The following PLA2G4E variants were observed in gnomAD, a reference collection of about 807,000 sequenced individuals.
PLA2G4E encodes cytosolic phospholipase A2 epsilon.
A neutral mutation model predicts 109.1 loss-of-function variants in PLA2G4E; 84 were observed. The ratio of observed to expected loss-of-function variants is 0.77; its 90% CI spans 0.65 to 0.92. PLA2G4E has a LOEUF of 0.92. Ranked by LOEUF, PLA2G4E falls within the 40% of genes least tolerant of loss-of-function variation. The pLI is 0.00. For synonymous variants in PLA2G4E, 469 were observed against 436.1 expected, an observed-to-expected ratio of 1.08 and a Z score of -0.94; for missense variants, 1,057 against 1,076.6, an observed-to-expected ratio of 0.98 and a Z score of 0.25.
chr15:42,007,909 A>G (rs908862124), intron 2 of PLA2G4E, 44 bp from the exon 3 acceptor site: 4 of 1,563,660 alleles, frequency 2.6e-6, no homozygotes, highest in Non-Finnish European at 8.7e-7. Context: ...TTCAGAGAGA[A>G]CATGTGGAGT....
At chr15:42,002,726 A>G (rs767179969) in intron 5 of PLA2G4E, 30 bp from the exon 6 acceptor site, 5 of 1,547,574 alleles carry the variant, frequency 3.2e-6, no homozygotes, top group Non-Finnish European at 4.4e-6. Context: ...CTCCTGGTCA[A>G]TTCTAGCATT....
chr15:41,986,080 G>C (rs753137153), intron 17 of PLA2G4E, 75 bp from the exon 18 acceptor site: 2 of 1,469,106 alleles, frequency 1.4e-6, no homozygotes, highest in East Asian at 5.0e-5. Context: ...TTGGGGGGAC[G>C]GAGCGCCCTG....
At chr15:42,031,028 C>T (rs1052465757) in intron 1 of PLA2G4E, among the ~76,000 whole-genome samples, 4 of 152,082 alleles carry the variant, frequency 2.6e-5, no homozygotes, top group African/African-American at 9.7e-5. Flanking sequence ...AGTACAGTGG[C>T]ACAATCAGGG....
intron 3 of PLA2G4E, among the ~76,000 whole-genome samples, chr15:42,007,326 C>G (rs2068486883): frequency 6.6e-6 from 1 of 152,146 alleles, no homozygotes; most frequent in South Asian, 2.1e-4. Context: ...AATAATAAAG[C>G]AATATGAAAA....
chr15:41,984,888 G>C (rs1431501934), intron 18 of PLA2G4E, among the ~76,000 whole-genome samples: 1 of 152,238 alleles, frequency 6.6e-6, no homozygotes, highest in Non-Finnish European at 1.5e-5. Flanking sequence ...ACAGACTTGG[G>C]TGGATGTGGT....
intron 1 of PLA2G4E, among the ~76,000 whole-genome samples, chr15:42,036,707 C>T (rs1173944179): frequency 6.6e-6 from 1 of 152,180 alleles, no homozygotes; most frequent in Non-Finnish European, 1.5e-5. Context: ...GGGGCCCAGC[C>T]AGGACCTGGA....
chr15:42,019,199 C>T (rs781346611), intron 1 of PLA2G4E, among the ~76,000 whole-genome samples: 41 of 152,234 alleles, frequency 2.7e-4, no homozygotes, highest in Non-Finnish European at 5.1e-4. Context: ...GCAGCTTGCT[C>T]CAGGCCATGT....
At chr15:41,995,477 A>G in exon 12 of PLA2G4E, 1 of 1,613,968 alleles carries the variant, frequency 6.2e-7, no homozygotes. Flanking sequence ...CCCAGTGGCC[A>G]TGATGGCTAT....
rs1385761552 is a variant in PLA2G4E, at chr15:41,990,032, A to G, written c.1585+89T>C. 5 of 959,352 alleles carry G rather than the reference A, an allele frequency of 5.2e-6. No individual in the cohort carries two copies. In the East Asian group the frequency reaches 1.2e-4, roughly 23 times the overall value. 59.4% of individuals were successfully genotyped at this position (959,352 alleles called of 1,614,324 possible). On this transcript the variant is annotated intron_variant, in intron 14 of 19. Coordinates refer to ENST00000399518, the Ensembl canonical transcript of PLA2G4E. ...GTAGAGGTTGACAAAGATGAGTGGG[A>G]TTGGGGGACCTGGAGGTGCTGGGTG... is the stretch of plus-strand genomic sequence containing the variant.
At chr15:41,983,388 A>C (rs2068089108) in exon 20 of PLA2G4E, 1 of 250,636 alleles carries the variant, frequency 4.0e-6, no homozygotes, top group Admixed American at 4.9e-5. Context: ...GGTAGAGGAC[A>C]GAGAGAGGAG....
At chr15:42,013,559 CACCAT>C in intron 2 of PLA2G4E, 121 bp downstream of exon 2, 2 of 842,434 alleles carry the variant, frequency 2.4e-6, no homozygotes, top group Non-Finnish European at 3.8e-6. Flanking sequence ...TACACGTATA[CACCAT>C]GCACGTGCAC....
intron 1 of PLA2G4E, among the ~76,000 whole-genome samples, chr15:42,019,142 T>C (rs2068624211): frequency 6.6e-6 from 1 of 152,168 alleles, no homozygotes; most frequent in South Asian, 2.1e-4. Flanking sequence ...TCAGGGCGCA[T>C]GCACTCCATC....
At chr15:42,036,114 A>C (rs1191052487) in intron 1 of PLA2G4E, among the ~76,000 whole-genome samples, 5 of 152,198 alleles carry the variant, frequency 3.3e-5, no homozygotes, top group Non-Finnish European at 7.4e-5. Flanking sequence ...TGTGGGTTAG[A>C]CATTTAAGCT....
Position 42,024,460 on chromosome 15 carries a change from C to T in PLA2G4E, c.184-10703G>A, listed in dbSNP as rs376038169. On this transcript the variant is annotated intron_variant, in intron 1 of 19. Transcript: ENST00000399518. ...CTGAGGCCTCCGACTCCAGGCCTGT[C>T]GCCAGGCTTGTTACCTGACACTTCA... is the stretch of plus-strand genomic sequence containing the variant. Among the ~76,000 whole-genome samples, 25 of 152,316 alleles carry T rather than the reference C, an allele frequency of 1.6e-4. No homozygotes were observed. In the East Asian group the frequency reaches 3.1e-3, roughly 19 times the overall value.
chr15:42,029,197 G>A (rs1769925775), intron 1 of PLA2G4E, among the ~76,000 whole-genome samples: 1 of 152,164 alleles, frequency 6.6e-6, no homozygotes, highest in South Asian at 2.1e-4. Flanking sequence ...GCTCAAGCGT[G>A]ATTCTCCCAT....
At chr15:42,003,523 G>A (rs985219878) in intron 5 of PLA2G4E, among the ~76,000 whole-genome samples, 1 of 152,224 alleles carries the variant, frequency 6.6e-6, no homozygotes, top group Non-Finnish European at 1.5e-5. Context: ...ATTCAGCCTA[G>A]GAGTTTTCCC....
At chr15:42,010,139 C>CCCCCCCCG in intron 2 of PLA2G4E, 1 of 476,072 alleles carries the variant, frequency 2.1e-6, no homozygotes, top group Non-Finnish European at 4.2e-6. Context: ...CTGGCCCCCC[C>CCCCCCCCG]ACCCCGGGCC....
chr15:42,019,616 C>G (rs903443448), intron 1 of PLA2G4E, among the ~76,000 whole-genome samples: 4 of 152,290 alleles, frequency 2.6e-5, no homozygotes, highest in Non-Finnish European at 5.9e-5. Flanking sequence ...TGTGTCAGAG[C>G]TTGGACTAGC....
chr15:42,010,024 C>T (rs1325500256), intron 2 of PLA2G4E: 2 of 434,712 alleles, frequency 4.6e-6, no homozygotes, highest in African/African-American at 4.1e-5. Context: ...TACATCACTG[C>T]AGATACAGGT....
Sources: allele counts gnomAD v4.1 joint callset (sites outside exome capture counted in the v4.1 genomes callset), GRCh38; gene constraint gnomAD v4.1.1; transcripts MANE v1.5; gene names NCBI Gene and HGNC (gene_info 2026-07-23, HGNC 2026-07-21).